Variants in KAZN observed in about 807,000 individuals in gnomAD.
KAZN encodes the protein kazrin, periplakin interacting protein, also known as kazrin.
In KAZN, 40 loss-of-function variants were observed where a neutral mutation model predicts 87.4. That is an observed-to-expected ratio of 0.46 (90% CI 0.36 to 0.60). KAZN has a LOEUF of 0.60. Ranked by LOEUF, KAZN falls within the 20% of genes least tolerant of loss-of-function variation. KAZN has a pLI of 0.00. For missense variants in KAZN, 898 were observed against 1,073.9 expected, an observed-to-expected ratio of 0.84 and a Z score of 2.29; for synonymous variants, 466 against 458.3, an observed-to-expected ratio of 1.02 and a Z score of -0.22.
intron 2 of KAZN, among the ~76,000 whole-genome samples, chr1:14,530,613 C>T (rs913112485): frequency 3.9e-5 from 6 of 152,028 alleles, no homozygotes. Context: ...AAGAGCCTGG[C>T]ACCTCCTCCT....
intron 1 of KAZN, among the ~76,000 whole-genome samples, chr1:14,626,530 C>G (rs955070307): frequency 6.6e-6 from 1 of 152,178 alleles, no homozygotes; most frequent in Non-Finnish European, 1.5e-5. Context: ...GGCTGGGGGT[C>G]TTAGCATCTC....
intron 1 of KAZN, among the ~76,000 whole-genome samples, chr1:14,614,580 G>T (rs960088967): frequency 1.3e-5 from 2 of 152,220 alleles, no homozygotes; most frequent in African/African-American, 4.8e-5. Flanking sequence ...TCCCGCGCTG[G>T]GTTTAGATGT....
chr1:14,487,091 C>T (rs1331843416), intron 2 of KAZN, among the ~76,000 whole-genome samples: 4 of 152,152 alleles, frequency 2.6e-5, no homozygotes, highest in African/African-American at 9.7e-5. Flanking sequence ...TTTCCTGGCA[C>T]GTTAGGACAC....
chr1:14,410,677 A>C (rs1664232583), intron 2 of KAZN, among the ~76,000 whole-genome samples: 1 of 152,196 alleles, frequency 6.6e-6, no homozygotes, highest in South Asian at 2.1e-4. Context: ...TGTCCTTATG[A>C]GAGGGAAGTA....
chr1:14,880,395 C>T (rs1370005342), intron 1 of KAZN, among the ~76,000 whole-genome samples: 1 of 152,168 alleles, frequency 6.6e-6, no homozygotes, highest in Non-Finnish European at 1.5e-5. Flanking sequence ...CAGTCTGATT[C>T]CAGAGTTACT....
chr1:14,321,061 T>C (rs1656016585), intron 2 of KAZN, among the ~76,000 whole-genome samples: 1 of 152,190 alleles, frequency 6.6e-6, no homozygotes, highest in Admixed American at 6.5e-5. Context: ...ACAGTAAAAG[T>C]CACAAAAATG....
rs556441191 is a variant in KAZN, at chr1:14,497,297, G to A, written c.250-101686G>A. 4.1e-5 allele frequency among the ~76,000 whole-genome samples: 5 copies of A among 123,042 alleles called. No individual in the cohort carries two copies. In the South Asian group the frequency reaches 1.1e-3, roughly 28 times the overall value. 80.7% of individuals were successfully genotyped at this position (123,042 alleles called of 152,430 possible). A position where few individuals can be genotyped will look rare whatever the true frequency, so the allele number is the denominator to read the frequency against. ...AATGACTGTTTTTATTGCAGTTGTA[G>A]AGTTTGGTCTTTTCTATGCTTTACT... On this transcript the variant is annotated intron_variant, in intron 2 of 16. Transcript: ENST00000636203.
At chr1:15,055,217 C>T (rs533952501) in intron 4 of KAZN, among the ~76,000 whole-genome samples, 7 of 152,322 alleles carry the variant, frequency 4.6e-5, no homozygotes, top group African/African-American at 1.4e-4. Context: ...TGGCTCACAC[C>T]TGTATTCCCA....
intron 1 of KAZN, among the ~76,000 whole-genome samples, chr1:14,822,832 G>A (rs1172056804): frequency 6.6e-6 from 1 of 152,068 alleles, no homozygotes; most frequent in Non-Finnish European, 1.5e-5. Context: ...TGAAGACAGG[G>A]CTGCATCTAA....
chr1:14,019,767 T>A (rs1428627630), intron 1 of KAZN, among the ~76,000 whole-genome samples: 1 of 152,090 alleles, frequency 6.6e-6, no homozygotes, highest in African/African-American at 2.4e-5. Context: ...GAGTGTTGTG[T>A]CCCCAGGCTA....
At chr1:14,706,336 C>T (rs1468421597) in intron 1 of KAZN, among the ~76,000 whole-genome samples, 3 of 152,078 alleles carry the variant, frequency 2.0e-5, no homozygotes, top group African/African-American at 4.8e-5. Flanking sequence ...CCCCCCACCC[C>T]GCCAATCTGG....
intron 2 of KAZN, among the ~76,000 whole-genome samples, chr1:15,015,132 T>TTTTTTTTA (rs1553173135): frequency 6.7e-6 from 1 of 149,320 alleles, no homozygotes; most frequent in African/African-American, 2.5e-5. Context: ...AGTTTTTTCT[T>TTTTTTTTA]TTTATTTATT....
intron 2 of KAZN, among the ~76,000 whole-genome samples, chr1:14,206,095 A>C (rs1263810775): frequency 6.6e-6 from 1 of 152,092 alleles, no homozygotes; most frequent in African/African-American, 2.4e-5. Flanking sequence ...TCCTACCTGT[A>C]AGTAATGAGT....
intron 1 of KAZN, among the ~76,000 whole-genome samples, chr1:14,161,685 G>T (rs570769252): frequency 3.9e-5 from 6 of 152,262 alleles, no homozygotes; most frequent in Non-Finnish European, 8.8e-5. Flanking sequence ...ATACCAGGAG[G>T]TGAGAATCAT....
chr1:15,067,274 A>G, intron 8 of KAZN: 1 of 985,572 alleles, frequency 1.0e-6, no homozygotes. Context: ...AGAATCTCCC[A>G]GGATCCCTTG....
intron 2 of KAZN, among the ~76,000 whole-genome samples, chr1:14,288,276 C>G (rs554670461): frequency 6.6e-6 from 1 of 152,248 alleles, no homozygotes; most frequent in South Asian, 2.1e-4. Context: ...CTTTGTATCT[C>G]TGGTAGAATT....
At chr1:14,570,623 AT>A (rs1159261236) in intron 2 of KAZN, among the ~76,000 whole-genome samples, 1 of 152,286 alleles carries the variant, frequency 6.6e-6, no homozygotes, top group African/African-American at 2.4e-5. Flanking sequence ...TTATTTAACC[AT>A]TCATCAGTTG....
At chr1:14,493,081 C>CT (rs1557756786) in intron 2 of KAZN, among the ~76,000 whole-genome samples, 9 of 152,124 alleles carry the variant, frequency 5.9e-5, no homozygotes, top group African/African-American at 1.7e-4. Context: ...ACTTCATCCA[C>CT]GCAGCCTTTC....
intron 1 of KAZN, among the ~76,000 whole-genome samples, chr1:13,982,089 T>C (rs1338859344): frequency 6.6e-6 from 1 of 152,154 alleles, no homozygotes; most frequent in African/African-American, 2.4e-5. Flanking sequence ...TTTCCATTGT[T>C]ATTGGGCAAA....
Sources: gnomAD v4.1 joint callset for allele counts (sites outside exome capture counted in the v4.1 genomes callset) on GRCh38, gnomAD v4.1.1 for gene constraint, MANE v1.5 for transcripts, NCBI Gene and HGNC (gene_info 2026-07-23, HGNC 2026-07-21) for gene names.